Variants in CFAP299 observed in about 807,000 individuals in gnomAD.
CFAP299 encodes the protein cilia- and flagella-associated protein 299.
CFAP299 carries 21 observed loss-of-function variants against 27.0 expected under a neutral mutation model. The ratio of observed to expected loss-of-function variants is 0.78; its 90% confidence interval spans 0.55 to 1.12. The LOEUF (loss-of-function observed/expected upper bound fraction) is 1.12, where lower values mean the gene tolerates loss of function less well. CFAP299 is among the 50% of genes most tolerant of loss of function. The probability of loss-of-function intolerance (pLI) is 0.00; values close to 1 mark genes in which losing one functional copy is unlikely to be tolerated. For synonymous variants in CFAP299, 104 were observed against 98.1 expected (o/e 1.06, Z -0.36); for missense variants, 310 against 276.6 (o/e 1.12, Z -0.86).
chr4:80,864,414 A>G (rs1732566184), intron 3 of CFAP299, among the ~76,000 whole-genome samples: 1 of 143,008 alleles, frequency 7.0e-6, no homozygotes, highest in Non-Finnish European at 1.5e-5. Flanking sequence ...ATGTGTGTGT[A>G]TGTGTATATA....
chr4:80,670,209 A>G (rs977993963), intron 3 of CFAP299, among the ~76,000 whole-genome samples: 10 of 151,840 alleles, frequency 6.6e-5, no homozygotes, highest in Non-Finnish European at 8.8e-5. Context: ...TCATTGTTCA[A>G]TTCCCACCTA....
In CFAP299 at chr4:80,702,072, G is replaced by T. The variant is rs1721524260; in HGVS notation, c.333+118889G>T. 2.0e-5 allele frequency among the ~76,000 whole-genome samples: 3 copies of T among 151,956 alleles called. No homozygotes were observed. The South Asian group carries it at 6.2e-4, about 32-fold the overall frequency. ...TATCTTTCCAAACAGGTGGGAAAAT[G>T]AGGTGAGGTGGAAAGAACTCTGCAG... On this transcript the variant is annotated intron_variant, in intron 3 of 5. Coordinates refer to ENST00000358105, the MANE Select transcript of CFAP299 (RefSeq NM_152770.3).
At chr4:80,402,586 T>G (rs1446089914) in intron 2 of CFAP299, among the ~76,000 whole-genome samples, 1 of 152,162 alleles carries the variant, frequency 6.6e-6, no homozygotes, top group Non-Finnish European at 1.5e-5. Flanking sequence ...TTCTTCCCAG[T>G]CTTGGGTATG....
chr4:80,629,767 C>CT (rs1423539864), intron 3 of CFAP299, among the ~76,000 whole-genome samples: 2 of 151,332 alleles, frequency 1.3e-5, no homozygotes, highest in Non-Finnish European at 2.9e-5. Context: ...GTAGTCCCAG[C>CT]TACTTGGAAG....
chr4:80,874,846 T>C (rs1053577405), intron 4 of CFAP299, among the ~76,000 whole-genome samples: 2 of 152,142 alleles, frequency 1.3e-5, no homozygotes, highest in Admixed American at 6.5e-5. Flanking sequence ...GAGTACTTGA[T>C]GTATGGTTAA....
chr4:80,928,305 T>C (rs1236707582), intron 4 of CFAP299, among the ~76,000 whole-genome samples: 1 of 152,084 alleles, frequency 6.6e-6, no homozygotes, highest in Admixed American at 6.6e-5. Context: ...AACAAACCTA[T>C]ACTCCTGAAT....
chr4:80,500,750 G>A (rs1009096308), intron 2 of CFAP299, among the ~76,000 whole-genome samples: 13 of 152,122 alleles, frequency 8.5e-5, no homozygotes, highest in African/African-American at 2.9e-4. Flanking sequence ...GTCTGTTTCC[G>A]ATGCTCATAA....
chr4:80,431,547 T>G (rs1403467783), intron 2 of CFAP299, among the ~76,000 whole-genome samples: 2 of 151,738 alleles, frequency 1.3e-5, no homozygotes, highest in African/African-American at 2.4e-5. Flanking sequence ...TTCTTTCCCT[T>G]CCCCTTCTCC....
At chr4:80,943,652 A>G (rs1318667113) in intron 4 of CFAP299, among the ~76,000 whole-genome samples, 1 of 152,176 alleles carries the variant, frequency 6.6e-6, no homozygotes. Context: ...TTTATAAGAT[A>G]TGTAAAAATA....
chr4:80,903,231 G>A (rs1735015236), intron 4 of CFAP299, among the ~76,000 whole-genome samples: 1 of 152,074 alleles, frequency 6.6e-6, no homozygotes, highest in Non-Finnish European at 1.5e-5. Flanking sequence ...GCCTGGAAAT[G>A]AGCTGTTGTT....
chr4:80,915,292 A>C (rs1021832984), intron 4 of CFAP299, among the ~76,000 whole-genome samples: 1 of 152,006 alleles, frequency 6.6e-6, no homozygotes, highest in Non-Finnish European at 1.5e-5. Flanking sequence ...TTTTTAAAAC[A>C]TTTTAAAGAT....
intron 4 of CFAP299, among the ~76,000 whole-genome samples, chr4:80,928,380 T>C (rs1029677344): frequency 6.6e-6 from 1 of 152,108 alleles, no homozygotes; most frequent in Non-Finnish European, 1.5e-5. Flanking sequence ...CTGATTTCTT[T>C]TAATGAAAAT....
At chr4:80,356,599 A>G (rs1361858104) in intron 1 of CFAP299, among the ~76,000 whole-genome samples, 1 of 151,822 alleles carries the variant, frequency 6.6e-6, no homozygotes, top group African/African-American at 2.4e-5. Context: ...TTGTGGCAAT[A>G]GTGCATGGGA....
chr4:80,366,486 T>C (rs1393575056), intron 2 of CFAP299, among the ~76,000 whole-genome samples: 1 of 152,236 alleles, frequency 6.6e-6, no homozygotes, highest in Non-Finnish European at 1.5e-5. Flanking sequence ...GGGCTTCTAT[T>C]CAGTCTTTCA....
In CFAP299 at chr4:80,397,243, T is replaced by C. The variant is rs185590923; in HGVS notation, c.242+34359T>C. ...GTGGTAATATCCCCTTTATCATTTT[T>C]TATTGCATGTATTTGATTCTTCTCT... On this transcript the variant is annotated intron_variant, in intron 2 of 5. Transcript: ENST00000358105. 2.6e-5 allele frequency among the ~76,000 whole-genome samples: 4 copies of C among 152,330 alleles called. No homozygotes were observed. In the East Asian group the frequency reaches 7.7e-4, roughly 29 times the overall value.
chr4:80,407,398 C>T (rs1337462181), intron 2 of CFAP299, among the ~76,000 whole-genome samples: 1 of 152,162 alleles, frequency 6.6e-6, no homozygotes, highest in Non-Finnish European at 1.5e-5. Context: ...ACTTATTCCT[C>T]AGTCTGTGGT....
intron 3 of CFAP299, among the ~76,000 whole-genome samples, chr4:80,793,053 G>T (rs920188571): frequency 7.3e-5 from 11 of 151,558 alleles, no homozygotes; most frequent in Admixed American, 2.0e-4. Flanking sequence ...ATGTGTTAGG[G>T]TTCTCTAGTG....
At chr4:80,617,415 A>G (rs1384014959) in intron 3 of CFAP299, among the ~76,000 whole-genome samples, 2 of 152,102 alleles carry the variant, frequency 1.3e-5, no homozygotes, top group African/African-American at 4.8e-5. Flanking sequence ...CCCTGCCATC[A>G]ACTTAGCTTT....
intron 3 of CFAP299, among the ~76,000 whole-genome samples, chr4:80,766,078 A>G (rs977117607): frequency 1.3e-5 from 2 of 152,274 alleles, no homozygotes; most frequent in Non-Finnish European, 2.9e-5. Flanking sequence ...GAGAAGCACA[A>G]TAAGTTAACT....
Sources: gnomAD v4.1 joint callset for allele counts (sites outside exome capture counted in the v4.1 genomes callset) on GRCh38, gnomAD v4.1.1 for gene constraint, MANE v1.5 for transcripts, NCBI Gene and HGNC (gene_info 2026-07-23, HGNC 2026-07-21) for gene names.